CNBD1: variants seen among roughly 807,000 people sequenced by gnomAD.
The protein encoded by CNBD1 is cyclic nucleotide binding domain containing 1, also known as cyclic nucleotide-binding domain-containing protein 1.
CNBD1 carries 71 observed loss-of-function variants against 54.4 expected under a neutral mutation model. The ratio of observed to expected loss-of-function variants is 1.30; its 90% CI spans 1.08 to 1.59. The LOEUF is 1.59. CNBD1 is among the 40% of genes most tolerant of loss of function. The pLI is 0.00. For missense variants in CNBD1, 659 were observed against 518.0 expected (o/e 1.27, Z -2.64); for synonymous variants, 182 against 170.7 (o/e 1.07, Z -0.51).
At chr8:87,076,541 C>G (rs1466088559) in intron 4 of CNBD1, among the ~76,000 whole-genome samples, 1 of 151,962 alleles carries the variant, frequency 6.6e-6, no homozygotes, top group East Asian at 1.9e-4. Context: ...CTCCTGGGTT[C>G]AAGCGATTCT....
At position 87,150,032 on chromosome 8, in the gene CNBD1, C is replaced by T. The variant is rs1586291135; in HGVS notation, c.432-55961C>T. Among the ~76,000 whole-genome samples, 3 of 152,084 alleles carry T rather than the reference C, an allele frequency of 2.0e-5. No homozygotes were observed. The Middle Eastern group carries it at 0.01, about 517-fold the overall frequency. On this transcript the variant is annotated intron_variant, in intron 4 of 10. Transcript: ENST00000518476. The stretch of plus-strand genomic sequence containing the variant: ...TTACCAAAAAAATATAAAAACTTAG[C>T]CTGGCGTGGTGGCGGGCACCTGTAG...
At chr8:87,426,381 A>T (rs1185247919) in intron 2 of CNBD1, among the ~76,000 whole-genome samples, 13 of 152,288 alleles carry the variant, frequency 8.5e-5, no homozygotes, top group African/African-American at 3.1e-4. Context: ...ATGCAACATC[A>T]TGATCGGAGT....
intron 10 of CNBD1, among the ~76,000 whole-genome samples, chr8:87,363,572 T>C (rs1291659272): frequency 2.6e-5 from 4 of 152,156 alleles, no homozygotes; most frequent in Non-Finnish European, 5.9e-5. Context: ...TGGTATCTCA[T>C]TGTGGTTTTG....
intron 4 of CNBD1, among the ~76,000 whole-genome samples, chr8:86,999,899 C>T (rs1334152342): frequency 2.0e-5 from 3 of 152,168 alleles, no homozygotes; most frequent in Admixed American, 2.0e-4. Context: ...GGCACAGTTG[C>T]TTAGCGTGTT....
chr8:87,010,405 T>A (rs1170906182), intron 4 of CNBD1, among the ~76,000 whole-genome samples: 6 of 152,216 alleles, frequency 3.9e-5, no homozygotes, highest in African/African-American at 1.4e-4. Context: ...AGGTTCTTTT[T>A]TTCTGTGCTT....
At chr8:87,068,715 A>T (rs1433178868) in intron 4 of CNBD1, among the ~76,000 whole-genome samples, 1 of 152,064 alleles carries the variant, frequency 6.6e-6, no homozygotes, top group Non-Finnish European at 1.5e-5. Context: ...AGCATTATTA[A>T]AGTACATTTG....
intron 1 of CNBD1, among the ~76,000 whole-genome samples, chr8:86,881,278 C>T (rs1446026699): frequency 6.6e-6 from 1 of 152,152 alleles, no homozygotes; most frequent in Non-Finnish European, 1.5e-5. Flanking sequence ...CTAGAAAACC[C>T]TGTTGTCTCA....
chr8:87,150,175 A>AAAAAAC (rs907884437), intron 4 of CNBD1, among the ~76,000 whole-genome samples: 22 of 132,206 alleles, frequency 1.7e-4, no homozygotes, highest in African/African-American at 4.9e-4. Context: ...AGACTCTGTC[A>AAAAAAC]AAAAACAAAA....
intron 6 of CNBD1, 48 bp downstream of exon 6, chr8:87,237,160 T>G (rs930435241): frequency 1.6e-6 from 2 of 1,255,946 alleles, no homozygotes; most frequent in Non-Finnish European, 2.2e-6. Flanking sequence ...GGTAACGGGC[T>G]TTTGTAAAAC....
chr8:87,213,881 C>G (rs541889926), intron 5 of CNBD1, among the ~76,000 whole-genome samples: 1 of 152,184 alleles, frequency 6.6e-6, no homozygotes, highest in Non-Finnish European at 1.5e-5. Context: ...TTTCTTACTT[C>G]CTAGATACAA....
At chr8:86,982,304 A>G (rs989326063) in intron 4 of CNBD1, among the ~76,000 whole-genome samples, 6 of 152,180 alleles carry the variant, frequency 3.9e-5, no homozygotes, top group Middle Eastern at 3.2e-3. Flanking sequence ...ATTTTCTGCA[A>G]ATATTTTCTA....
intron 4 of CNBD1, among the ~76,000 whole-genome samples, chr8:86,976,187 C>CTTTTTTTTTTT (rs71277906): frequency 4.8e-5 from 4 of 83,504 alleles, no homozygotes; most frequent in African/African-American, 1.9e-4. Flanking sequence ...GTGCATTGAC[C>CTTTTTTTTTTT]TTTTTTTTTT....
chr8:87,347,309 G>A (rs1233246929), intron 8 of CNBD1, among the ~76,000 whole-genome samples: 3 of 152,148 alleles, frequency 2.0e-5, no homozygotes, highest in Non-Finnish European at 4.4e-5. Context: ...TTATGCTCAA[G>A]AAAACCTTTG....
At chr8:87,199,138 C>A (rs1176641739) in intron 4 of CNBD1, among the ~76,000 whole-genome samples, 2 of 152,172 alleles carry the variant, frequency 1.3e-5, no homozygotes, top group Non-Finnish European at 2.9e-5. Context: ...GATCCAAACA[C>A]CTCGCGGGGA....
chr8:86,949,854 A>G (rs1807560157), intron 4 of CNBD1, among the ~76,000 whole-genome samples: 1 of 151,322 alleles, frequency 6.6e-6, no homozygotes, highest in African/African-American at 2.4e-5. Flanking sequence ...TGGGTCTGTC[A>G]TATATAGCTT....
chr8:87,284,918 AT>A, intron 7 of CNBD1, 103 bp downstream of exon 7: 2 of 864,958 alleles, frequency 2.3e-6, no homozygotes, highest in Non-Finnish European at 3.3e-6. Flanking sequence ...TTATTTTTAA[AT>A]TTTAATTTAA....
At chr8:87,066,487 C>T (rs530398809) in intron 4 of CNBD1, among the ~76,000 whole-genome samples, 1 of 151,956 alleles carries the variant, frequency 6.6e-6, no homozygotes, top group East Asian at 1.9e-4. Flanking sequence ...ATCAGTCTTG[C>T]CTCTATGAAG....
At chr8:87,328,901 T>C (rs1162453152) in intron 8 of CNBD1, among the ~76,000 whole-genome samples, 1 of 152,166 alleles carries the variant, frequency 6.6e-6, no homozygotes, top group South Asian at 2.1e-4. Context: ...CATTTATGAA[T>C]TAATAAAAAT....
At chr8:87,377,330 G>A (rs1810969912) in intron 10 of CNBD1, among the ~76,000 whole-genome samples, 1 of 139,964 alleles carries the variant, frequency 7.1e-6, no homozygotes, top group African/African-American at 2.7e-5. Flanking sequence ...AGTCCCCAGA[G>A]TGCGATATTC....
Sources: allele counts gnomAD v4.1 joint callset (sites outside exome capture counted in the v4.1 genomes callset), GRCh38; gene constraint gnomAD v4.1.1; transcripts MANE v1.5; gene names NCBI Gene and HGNC (gene_info 2026-07-23, HGNC 2026-07-21).